Variants in CSMD1 observed in about 807,000 individuals in gnomAD.
The protein encoded by CSMD1 is CUB and Sushi multiple domains 1.
CSMD1 carries 213 observed loss-of-function variants against 417.5 expected under a neutral mutation model. That is an observed-to-expected ratio of 0.51 (90% CI 0.46 to 0.57). The LOEUF (loss-of-function observed/expected upper bound fraction) is 0.57. Ranked by LOEUF, CSMD1 falls within the 20% of genes least tolerant of loss-of-function variation. The probability of loss-of-function intolerance (pLI) is 0.00; values close to 1 mark genes in which losing one functional copy is unlikely to be tolerated. For missense variants in CSMD1, 6,923 were observed against 4,529.7 expected (o/e 1.53, Z -15.17); for synonymous variants, 2,862 against 1,736.8 (o/e 1.65, Z -16.11).
chr8:3,256,549 A>T (rs1337326085), intron 26 of CSMD1, among the ~76,000 whole-genome samples: 2 of 152,202 alleles, frequency 1.3e-5, no homozygotes, highest in African/African-American at 2.4e-5. Flanking sequence ...AAAAAGCTAT[A>T]ATCTTGCCCC....
chr8:3,921,935 T>G (rs1582766), intron 5 of CSMD1, among the ~76,000 whole-genome samples: 35,866 of 152,032 alleles, frequency 0.24, 5,244 homozygotes, highest in African/African-American at 0.4. Context: ...CATTGCTTTC[T>G]TATTGATTTG....
intron 8 of CSMD1, among the ~76,000 whole-genome samples, chr8:3,611,437 A>C (rs1212171252): frequency 6.6e-6 from 1 of 152,116 alleles, no homozygotes; most frequent in Non-Finnish European, 1.5e-5. Flanking sequence ...AACTCCTCTT[A>C]ATTTAAAGAA....
chr8:4,474,949 T>C (rs905613558), intron 2 of CSMD1, among the ~76,000 whole-genome samples: 3 of 152,236 alleles, frequency 2.0e-5, no homozygotes, highest in Non-Finnish European at 4.4e-5. Flanking sequence ...GTTTGTGTTA[T>C]CTGTAAGATT....
Position 3,998,093 on chromosome 8 carries a change from C to T in CSMD1, c.628G>A (p.Gly210Arg), listed in dbSNP as rs1354751709. Residue 210 changes from glycine to arginine, a missense_variant, in exon 5 of 70, where the codon GGA (glycine) becomes AGA (arginine). By Grantham distance (125) the Gly-to-Arg change is moderately radical. Transcript: ENST00000635120. ...PFCRAEGACG[G>R]TLRGTSSSIS... ...GAGCTGCTGGTCCCGCGTAAGGTTC[C>T]TCCGCAGGCTCCCTCAGCTGCAGGG... 1 of 1,572,264 alleles carries T rather than the reference C, an allele frequency of 6.4e-7. No homozygotes were observed. Among genetic ancestry groups the T allele is most frequent in the Non-Finnish European group, 8.6e-7 (1 of 1,157,874 alleles).
chr8:4,781,467 G>A (rs1190237931), intron 1 of CSMD1, among the ~76,000 whole-genome samples: 1 of 152,134 alleles, frequency 6.6e-6, no homozygotes, highest in Admixed American at 6.6e-5. Flanking sequence ...GTTTAGCATG[G>A]AGGCAACATA....
rs544471792 is a variant in CSMD1, at chr8:3,941,985, A to G, written c.818+55918T>C. On this transcript the variant is annotated intron_variant, in intron 5 of 69. Coordinates refer to ENST00000635120, the MANE Select transcript of CSMD1 (RefSeq NM_033225.6). ...GCCCCTCCCCATTGCTGGCATTACC[A>G]CCTGCACTCTCCTCCTGTCAGACCA... 6.8e-4 allele frequency among the ~76,000 whole-genome samples: 103 copies of G among 151,964 alleles called. 1 individual carries two copies. The Middle Eastern group carries it at 0.014, about 20-fold the overall frequency.
intron 54 of CSMD1, among the ~76,000 whole-genome samples, chr8:2,985,341 C>G (rs547315357): frequency 6.6e-6 from 1 of 151,850 alleles, no homozygotes; most frequent in Non-Finnish European, 1.5e-5. Context: ...TGGTGTGATA[C>G]TGCTACACTG....
chr8:3,404,299 C>T (rs1489506151), intron 15 of CSMD1, among the ~76,000 whole-genome samples: 2 of 150,526 alleles, frequency 1.3e-5, no homozygotes, highest in Admixed American at 6.6e-5. Flanking sequence ...TGCACCACTG[C>T]ACTCCAGCCT....
At chr8:3,676,060 T>C (rs376050606) in intron 7 of CSMD1, among the ~76,000 whole-genome samples, 2 of 152,248 alleles carry the variant, frequency 1.3e-5, no homozygotes, top group Admixed American at 6.5e-5. Flanking sequence ...AAGTCATCAT[T>C]TGATTAGCAC....
At chr8:4,400,514 A>T (rs1804573752) in intron 3 of CSMD1, among the ~76,000 whole-genome samples, 1 of 152,238 alleles carries the variant, frequency 6.6e-6, no homozygotes, top group South Asian at 2.1e-4. Flanking sequence ...TAAAAAAGTC[A>T]ATAAAAATTG....
chr8:3,609,905 G>C (rs548930026), intron 8 of CSMD1, among the ~76,000 whole-genome samples: 1 of 127,932 alleles, frequency 7.8e-6, no homozygotes, highest in Non-Finnish European at 1.6e-5. Flanking sequence ...GGGTTCAAAC[G>C]ATTCTCCTGC....
chr8:4,973,322 G>T (rs753065637), intron 1 of CSMD1, among the ~76,000 whole-genome samples: 1 of 152,120 alleles, frequency 6.6e-6, no homozygotes, highest in Non-Finnish European at 1.5e-5. Flanking sequence ...ACTTATAGGC[G>T]AAGTCAATAG....
chr8:4,224,035 A>C (rs1374413135), intron 3 of CSMD1, among the ~76,000 whole-genome samples: 2 of 152,150 alleles, frequency 1.3e-5, no homozygotes, highest in African/African-American at 4.8e-5. Context: ...TATTTTAACA[A>C]AACATGCATA....
At chr8:4,894,967 C>G (rs1046691083) in intron 1 of CSMD1, among the ~76,000 whole-genome samples, 13 of 152,160 alleles carry the variant, frequency 8.5e-5, no homozygotes, top group Non-Finnish European at 7.3e-5. Flanking sequence ...GTTCAGGGCT[C>G]AGCTTCCACT....
chr8:3,532,253 CCAGA>C (rs1292877344), intron 10 of CSMD1, among the ~76,000 whole-genome samples: 2 of 152,148 alleles, frequency 1.3e-5, no homozygotes, highest in African/African-American at 2.4e-5. Flanking sequence ...AGGTGTCAAG[CCAGA>C]CAATGAGGCC....
intron 1 of CSMD1, among the ~76,000 whole-genome samples, chr8:4,953,770 T>A (rs1344746903): frequency 6.6e-6 from 1 of 152,180 alleles, no homozygotes; most frequent in African/African-American, 2.4e-5. Flanking sequence ...CAAGGCTAAT[T>A]CTCTCTGTCT....
chr8:4,405,856 TCAC>T (rs372924594), intron 3 of CSMD1, among the ~76,000 whole-genome samples: 406 of 152,306 alleles, frequency 2.7e-3, no homozygotes, highest in African/African-American at 8.6e-3. Context: ...AGTGATCCAC[TCAC>T]CACTTTAGAA....
chr8:3,974,804 T>C (rs544899905), intron 5 of CSMD1, among the ~76,000 whole-genome samples: 1 of 152,272 alleles, frequency 6.6e-6, no homozygotes, highest in South Asian at 2.1e-4. Flanking sequence ...CACAATTTTT[T>C]ATAAAGCATC....
At chr8:4,778,030 T>C (rs1796957990) in intron 1 of CSMD1, among the ~76,000 whole-genome samples, 1 of 152,168 alleles carries the variant, frequency 6.6e-6, no homozygotes, top group Non-Finnish European at 1.5e-5. Context: ...TTCTAGATGG[T>C]AGTGGAGAGT....
Sources: gnomAD v4.1 joint callset for allele counts (sites outside exome capture counted in the v4.1 genomes callset) on GRCh38, gnomAD v4.1.1 for gene constraint, MANE v1.5 for transcripts, NCBI Gene and HGNC (gene_info 2026-07-23, HGNC 2026-07-21) for gene names.